PDE4D: variants seen among roughly 807,000 people sequenced by gnomAD.
PDE4D encodes phosphodiesterase 4D.
A neutral mutation model predicts 87.4 loss-of-function variants in PDE4D; 24 were observed. The ratio of observed to expected loss-of-function variants is 0.27; its 90% CI spans 0.20 to 0.39. PDE4D has a LOEUF of 0.39. Ranked by LOEUF, PDE4D falls within the 10% of genes least tolerant of loss-of-function variation. The pLI is 1.00. For missense variants in PDE4D, 714 were observed against 1,041.0 expected, an observed-to-expected ratio of 0.69 and a Z score of 4.32; for synonymous variants, 384 against 383.2, an observed-to-expected ratio of 1.00 and a Z score of -0.02.
intron 2 of PDE4D, among the ~76,000 whole-genome samples, chr5:59,996,638 T>C (rs1763552146): frequency 6.6e-6 from 1 of 152,190 alleles, no homozygotes; most frequent in African/African-American, 2.4e-5. Context: ...TCATTACTTA[T>C]TATGTATGTT....
chr5:59,338,459 T>C (rs562770742), intron 1 of PDE4D, among the ~76,000 whole-genome samples: 2 of 152,348 alleles, frequency 1.3e-5, no homozygotes, highest in East Asian at 3.9e-4. Context: ...CTCATATTCT[T>C]GTTTAGTGTA....
chr5:60,317,466 G>A (rs112925734), intron 1 of PDE4D, among the ~76,000 whole-genome samples: 9,061 of 152,120 alleles, frequency 0.06, 886 homozygotes, highest in African/African-American at 0.21. Context: ...TTTTTGAAGG[G>A]TTTTTTGTGT....
In PDE4D at chr5:58,973,999, T is replaced by C. The variant is rs1240300719; in HGVS notation, c.*665A>G. 4 of 152,606 alleles carry C rather than the reference T, an allele frequency of 2.6e-5. No homozygotes were observed. 9.5% of individuals were successfully genotyped at this position (152,606 alleles called of 1,614,324 possible). A position where few individuals can be genotyped will look rare whatever the true frequency, so the allele number is the denominator to read the frequency against. On this transcript the variant is annotated 3_prime_UTR_variant, in exon 15 of 15. Transcript: ENST00000340635. ...TTGCAAGTTACTCCTTAGAAAAAAA[T>C]AACCAGTGGCAGATGAAGTTCTGAA...
chr5:58,991,774 A>C, intron 8 of PDE4D, 58 bp downstream of exon 8: 1 of 1,150,138 alleles, frequency 8.7e-7, no homozygotes, highest in Non-Finnish European at 1.2e-6. Flanking sequence ...CTAGAAGTGA[A>C]AATTCATGAA....
intron 5 of PDE4D, among the ~76,000 whole-genome samples, chr5:59,085,531 T>C (rs1410970491): frequency 1.3e-5 from 2 of 152,212 alleles, no homozygotes; most frequent in African/African-American, 4.8e-5. Flanking sequence ...AGGTTGTTCA[T>C]GGAATTTATC....
At chr5:59,586,498 TG>T in intron 1 of PDE4D, 3 of 1,255,856 alleles carry the variant, frequency 2.4e-6, no homozygotes, top group Non-Finnish European at 2.0e-6. Flanking sequence ...CAACAAGTAT[TG>T]AATCCCAAAA....
chr5:59,175,429 G>C (rs1255756284), intron 5 of PDE4D, among the ~76,000 whole-genome samples: 1 of 149,890 alleles, frequency 6.7e-6, no homozygotes, highest in Non-Finnish European at 1.5e-5. Context: ...GAAACACTTG[G>C]TGAGTTCCTC....
At chr5:60,033,344 G>A (rs1767450588) in intron 2 of PDE4D, among the ~76,000 whole-genome samples, 3 of 152,184 alleles carry the variant, frequency 2.0e-5, no homozygotes, top group African/African-American at 4.8e-5. Context: ...AGTTTTGCAC[G>A]AGGATTTTCA....
At chr5:59,817,434 G>T (rs1335141763) in intron 1 of PDE4D, among the ~76,000 whole-genome samples, 1 of 152,162 alleles carries the variant, frequency 6.6e-6, no homozygotes, top group East Asian at 1.9e-4. Flanking sequence ...AAGACACATA[G>T]TAAACACATT....
intron 1 of PDE4D, among the ~76,000 whole-genome samples, chr5:59,421,573 G>C (rs2153627433): frequency 6.6e-6 from 1 of 152,178 alleles, no homozygotes; most frequent in Non-Finnish European, 1.5e-5. Context: ...TTCTAGTTTA[G>C]ATAACTCTGT....
intron 3 of PDE4D, among the ~76,000 whole-genome samples, chr5:59,190,409 T>C (rs986261275): frequency 6.6e-6 from 1 of 152,188 alleles, no homozygotes; most frequent in Non-Finnish European, 1.5e-5. Context: ...CATAGCTTTT[T>C]CACTGGAATT....
In PDE4D at chr5:59,883,875, G is replaced by A. The variant is rs78423246; in HGVS notation, c.455+9293C>T. ...CATGCCATTTTCTCTTCTCTTTGAT[G>A]TCCTCATGTTTATCTTTTACTAAAT... On this transcript the variant is annotated intron_variant, in intron 1 of 14. Transcript: ENST00000340635. Among the ~76,000 whole-genome samples the A allele has an allele frequency of 7.9e-4, 120 of 152,152 alleles. 1 individual carries two copies. The East Asian group carries it at 0.022, about 28-fold the overall frequency.
At chr5:59,539,144 A>G (rs1238459872) in intron 1 of PDE4D, among the ~76,000 whole-genome samples, 1 of 152,190 alleles carries the variant, frequency 6.6e-6, no homozygotes, top group Non-Finnish European at 1.5e-5. Flanking sequence ...CAAGAATCAC[A>G]TATGTGAGTA....
chr5:59,400,532 A>G (rs7725779), intron 1 of PDE4D, among the ~76,000 whole-genome samples: 4,531 of 130,968 alleles, frequency 0.035, 273 homozygotes, highest in African/African-American at 0.12. Context: ...GAATTGAACA[A>G]TGAGATCACA....
chr5:59,316,907 C>T (rs2013979), intron 1 of PDE4D, among the ~76,000 whole-genome samples: 50,419 of 152,012 alleles, frequency 0.33, 8,679 homozygotes, highest in Admixed American at 0.39. Flanking sequence ...TGTCCTTAGA[C>T]ACTTCACTCC....
intron 6 of PDE4D, among the ~76,000 whole-genome samples, chr5:59,020,679 TTA>T (rs1754989513): frequency 6.7e-6 from 1 of 149,058 alleles, no homozygotes; most frequent in Admixed American, 6.7e-5. Flanking sequence ...TTTTTTTTTT[TTA>T]AACAATAAAA....
chr5:59,237,306 T>C (rs1277417046), intron 1 of PDE4D, among the ~76,000 whole-genome samples: 1 of 152,148 alleles, frequency 6.6e-6, no homozygotes, highest in Non-Finnish European at 1.5e-5. Context: ...AGGTTGGGGG[T>C]CTCCATACCA....
intron 1 of PDE4D, among the ~76,000 whole-genome samples, chr5:60,337,388 T>TATAC (rs66871903): frequency 2.9e-3 from 258 of 89,372 alleles, no homozygotes; most frequent in East Asian, 4.6e-3. Context: ...TATATATATA[T>TATAC]ACACACACAC....
intron 5 of PDE4D, among the ~76,000 whole-genome samples, chr5:59,060,878 C>A (rs759039340): frequency 4.6e-5 from 7 of 152,052 alleles, no homozygotes; most frequent in Non-Finnish European, 1.0e-4. Flanking sequence ...TCTTCCCTGC[C>A]CTACTTGGAA....
Sources: gnomAD v4.1 joint callset for allele counts (sites outside exome capture counted in the v4.1 genomes callset) on GRCh38, gnomAD v4.1.1 for gene constraint, MANE v1.5 for transcripts, NCBI Gene and HGNC (gene_info 2026-07-23, HGNC 2026-07-21) for gene names.